The following ZNF385D variants were observed in gnomAD, a reference collection of about 807,000 sequenced individuals.
The protein encoded by ZNF385D is zinc finger protein 659.
ZNF385D carries 15 observed loss-of-function variants against 35.8 expected under a neutral mutation model. The ratio of observed to expected loss-of-function variants is 0.42; its 90% confidence interval spans 0.28 to 0.64. The LOEUF (loss-of-function observed/expected upper bound fraction) is 0.64, where lower values mean the gene tolerates loss of function less well. Among genes scored for constraint, ZNF385D ranks in the 30% least tolerant of loss-of-function variants. ZNF385D has a pLI of 0.23. For synonymous variants in ZNF385D, 212 were observed against 186.8 expected, an observed-to-expected ratio of 1.13 and a Z score of -1.10; for missense variants, 474 against 494.6, an observed-to-expected ratio of 0.96 and a Z score of 0.39.
intron 2 of ZNF385D, among the ~76,000 whole-genome samples, chr3:21,596,281 T>C (rs1001642107): frequency 7.2e-5 from 11 of 152,112 alleles, no homozygotes; most frequent in Admixed American, 2.0e-4. Context: ...CACAAAAGGA[T>C]AAATAAAATA....
chr3:21,635,828 A>G (rs917050940), intron 2 of ZNF385D, among the ~76,000 whole-genome samples: 5 of 151,800 alleles, frequency 3.3e-5, no homozygotes, highest in African/African-American at 1.2e-4. Context: ...TCCATTCCTG[A>G]ATTACTTCAC....
At chr3:22,183,801 C>CTATTAGT (rs1344157130) in intron 2 of ZNF385D, among the ~76,000 whole-genome samples, 2 of 150,936 alleles carry the variant, frequency 1.3e-5, no homozygotes, top group Admixed American at 6.6e-5. Flanking sequence ...GGTCTTAGAA[C>CTATTAGT]TATTAGTTAT....
intron 2 of ZNF385D, among the ~76,000 whole-genome samples, chr3:22,253,978 G>C (rs774251330): frequency 1.5e-4 from 23 of 151,918 alleles, no homozygotes; most frequent in South Asian, 6.2e-4. Context: ...CCTTTTCCAA[G>C]AAAGAAATGA....
intron 1 of ZNF385D, among the ~76,000 whole-genome samples, chr3:21,676,738 G>A (rs2066741376): frequency 6.6e-6 from 1 of 152,050 alleles, no homozygotes; most frequent in Admixed American, 6.6e-5. Flanking sequence ...CTCGCTAAAT[G>A]GTAGAGCTAG....
chr3:21,763,220 G>T (rs1236355321), intron 3 of ZNF385D, among the ~76,000 whole-genome samples: 4 of 152,096 alleles, frequency 2.6e-5, no homozygotes, highest in African/African-American at 9.7e-5. Context: ...AGATTTAAAT[G>T]GACACCCTGG....
At chr3:21,711,970 C>A (rs2068126249) in intron 1 of ZNF385D, among the ~76,000 whole-genome samples, 1 of 152,216 alleles carries the variant, frequency 6.6e-6, no homozygotes, top group South Asian at 2.1e-4. Flanking sequence ...TAATTATAAT[C>A]TTCCATAATA....
chr3:21,770,419 G>A (rs960024942), intron 3 of ZNF385D, among the ~76,000 whole-genome samples: 1 of 152,132 alleles, frequency 6.6e-6, no homozygotes, highest in African/African-American at 2.4e-5. Flanking sequence ...CCATCAAAAA[G>A]TGGGCAAAGT....
chr3:21,709,795 C>G (rs1211179177), intron 1 of ZNF385D, among the ~76,000 whole-genome samples: 1 of 152,170 alleles, frequency 6.6e-6, no homozygotes, highest in Non-Finnish European at 1.5e-5. Context: ...CTGTCCCACT[C>G]CTAGGTGTCT....
chr3:21,797,514 T>C (rs1026780902), intron 3 of ZNF385D, among the ~76,000 whole-genome samples: 4 of 152,234 alleles, frequency 2.6e-5, no homozygotes, highest in South Asian at 4.1e-4. Flanking sequence ...TGAAAAGTTA[T>C]GTCCACAGAA....
At chr3:22,184,597 G>A (rs145729099) in intron 2 of ZNF385D, among the ~76,000 whole-genome samples, 2 of 152,110 alleles carry the variant, frequency 1.3e-5, no homozygotes, top group African/African-American at 4.8e-5. Context: ...AGGCCGAAGA[G>A]GGTGGATCAC....
chr3:21,799,295 G>C (rs1294466776), intron 3 of ZNF385D, among the ~76,000 whole-genome samples: 1 of 151,968 alleles, frequency 6.6e-6, no homozygotes, highest in African/African-American at 2.4e-5. Context: ...TTTTCTTTTG[G>C]GGATCTACCT....
intron 4 of ZNF385D, among the ~76,000 whole-genome samples, chr3:21,480,100 A>ATTTTT (rs369558911): frequency 4.5e-5 from 6 of 133,568 alleles, no homozygotes; most frequent in East Asian, 2.2e-4. Context: ...GAATGTAAGA[A>ATTTTT]TTTTTTTTTT....
intron 4 of ZNF385D, among the ~76,000 whole-genome samples, chr3:21,451,920 A>G (rs1702483325): frequency 6.6e-6 from 1 of 152,036 alleles, no homozygotes; most frequent in Admixed American, 6.6e-5. Context: ...GGTAGAAAAT[A>G]TTGTCTTTGA....
At chr3:21,946,411 T>C (rs915288845) in intron 3 of ZNF385D, among the ~76,000 whole-genome samples, 2 of 152,158 alleles carry the variant, frequency 1.3e-5, no homozygotes, top group Non-Finnish European at 1.5e-5. Flanking sequence ...CATTGCAAAG[T>C]TGAAAATTAA....
chr3:21,747,501 A>G (rs1032364529), intron 1 of ZNF385D, among the ~76,000 whole-genome samples: 6 of 152,180 alleles, frequency 3.9e-5, no homozygotes, highest in Non-Finnish European at 5.9e-5. Context: ...AGGGTGAGAC[A>G]TGGCATCTCT....
chr3:22,320,193 C>A (rs919498070), intron 2 of ZNF385D, among the ~76,000 whole-genome samples: 7 of 152,000 alleles, frequency 4.6e-5, no homozygotes, highest in Middle Eastern at 6.3e-3. Flanking sequence ...CACCCTATGT[C>A]CTCCAGACAA....
chr3:22,265,903 G>A (rs955185086), intron 2 of ZNF385D, among the ~76,000 whole-genome samples: 10 of 151,856 alleles, frequency 6.6e-5, no homozygotes, highest in African/African-American at 2.2e-4. Context: ...TAACTAATAC[G>A]TAATTAAGTT....
chr3:21,449,571 C>T lies in ZNF385D; in HGVS notation c.440-12368G>A, dbSNP rs76253816. ...ATATTTCTGTTACTTTTAACAACAA[C>T]CCAACTGTGAAATTTAAAAGCTAGC... On this transcript the variant is annotated intron_variant, in intron 4 of 7. Coordinates refer to ENST00000281523, the MANE Select transcript of ZNF385D (RefSeq NM_024697.3). Among the ~76,000 whole-genome samples the T allele has an allele frequency of 5.5e-3, 838 of 152,180 alleles. 4 individuals are homozygous for T. Among genetic ancestry groups the T allele is most frequent in the Non-Finnish European group, 1.0e-2 (680 of 68,008 alleles).
intron 2 of ZNF385D, among the ~76,000 whole-genome samples, chr3:21,645,128 G>C (rs1996629): frequency 0.08 from 12,106 of 152,228 alleles, 561 homozygotes; most frequent in East Asian, 0.16. Flanking sequence ...CCCTGAGAAA[G>C]TTTTATGATT....
Sources: allele counts gnomAD v4.1 joint callset (sites outside exome capture counted in the v4.1 genomes callset), GRCh38; gene constraint gnomAD v4.1.1; transcripts MANE v1.5; gene names NCBI Gene and HGNC (gene_info 2026-07-23, HGNC 2026-07-21).